LAMC1: variants seen among roughly 807,000 people sequenced by gnomAD.
The protein encoded by LAMC1 is laminin subunit gamma-1.
LAMC1 carries 38 observed loss-of-function variants against 173.6 expected under a neutral mutation model. The ratio of observed to expected loss-of-function variants is 0.22; its 90% CI spans 0.17 to 0.29. The LOEUF (loss-of-function observed/expected upper bound fraction) is 0.29. Ranked by LOEUF, LAMC1 falls within the 10% of genes least tolerant of loss-of-function variation. The pLI is 1.00. For synonymous variants in LAMC1, 746 were observed against 749.1 expected, an observed-to-expected ratio of 1.00 and a Z score of 0.07; for missense variants, 1,824 against 2,051.8, an observed-to-expected ratio of 0.89 and a Z score of 2.14.
intron 1 of LAMC1, among the ~76,000 whole-genome samples, chr1:183,044,853 T>G (rs10911209): frequency 0.5 from 75,983 of 151,470 alleles, 19,691 homozygotes; most frequent in South Asian, 0.64. Flanking sequence ...GGGTAGCAGA[T>G]TTTCTCACAC....
Position 183,132,508 on chromosome 1 carries a change from A to G in LAMC1, c.3675A>G (p.Thr1225=). The G allele has an allele frequency of 6.2e-7, 1 of 1,613,958 alleles. No individual in the cohort carries two copies. Among genetic ancestry groups the G allele is most frequent in the Non-Finnish European group, 8.5e-7 (1 of 1,179,844 alleles). ...GGACACTGGCAGGAGAAAATCAAAC[A>G]GCATTTGAGATTGAAGAGCTTAATA... is the stretch of plus-strand genomic sequence containing the variant. ...LLRTLAGENQ[T]AFEIEELNRK... The change falls in exon 21 of 28, where the codon ACA becomes ACG. Residue 1225 remains threonine, a synonymous_variant. Coordinates refer to ENST00000258341, the MANE Select transcript of LAMC1 (RefSeq NM_002293.4).
At chr1:183,141,321 G>A (rs1022971797) in intron 27 of LAMC1, 4 of 152,134 alleles carry the variant, frequency 2.6e-5, no homozygotes, top group Non-Finnish European at 5.9e-5. Context: ...TTTAAAAAAC[G>A]AAAAAGAACA....
chr1:183,045,430 T>C (rs1343894633), intron 1 of LAMC1, among the ~76,000 whole-genome samples: 1 of 152,104 alleles, frequency 6.6e-6, no homozygotes, highest in Non-Finnish European at 1.5e-5. Context: ...TTGTTTGTTT[T>C]TGAGCTTTGT....
At chr1:183,072,847 G>GC (rs1655042758) in intron 1 of LAMC1, among the ~76,000 whole-genome samples, 2 of 152,204 alleles carry the variant, frequency 1.3e-5, no homozygotes, top group Non-Finnish European at 2.9e-5. Context: ...TAGGTTGCGT[G>GC]CTCTTTATGA....
intron 8 of LAMC1, 144 bp downstream of exon 8, chr1:183,117,047 T>G (rs1164675052): frequency 1.1e-6 from 1 of 895,504 alleles, no homozygotes; most frequent in East Asian, 2.6e-5. Flanking sequence ...TTTTGTAGTT[T>G]GGCCTTTTAA....
chr1:183,064,804 A>G lies in LAMC1; in HGVS notation c.419-38524A>G, dbSNP rs1317057798. ...TTATTCAATGAATTTGTAGTTGACA[A>G]TAATTTGTATTCATTTTCTGACTTA... On this transcript the variant is annotated intron_variant, in intron 1 of 27. Transcript: ENST00000258341. Among the ~76,000 whole-genome samples the G allele has an allele frequency of 2.0e-5, 3 of 152,228 alleles. No homozygotes were observed. The South Asian group carries it at 6.2e-4, about 31-fold the overall frequency.
chr1:183,042,426 G>T (rs1230576548), intron 1 of LAMC1, among the ~76,000 whole-genome samples: 1 of 152,180 alleles, frequency 6.6e-6, no homozygotes. Context: ...CACAGTAGAG[G>T]CTGGAAAATG....
In LAMC1 at chr1:183,135,274, TA is replaced by T. The variant is rs779966718; in HGVS notation, c.4114+121del. On this transcript the variant is annotated intron_variant, in intron 24 of 27. Transcript: ENST00000258341. ...CCCCAACTCCCTACTTTTTTTATGC[TA>T]AAGTATTTCAAAGGGAAATCCCAGA... The T allele has an allele frequency of 8.4e-4, 551 of 659,368 alleles. 4 individuals are homozygous for T. The Middle Eastern group carries it at 0.014, about 17-fold the overall frequency. The allele number at this position is 659,368 out of a possible 1,614,324, so 40.8% of individuals were successfully genotyped here.
rs577751780 is a variant in LAMC1, at chr1:183,031,012, T to C, written c.418+6878T>C. Reference sequence around the variant, plus strand: ...TATCTCAAAAATTAAATAAATAAAATGTATATATTCACATGTACATTGTTG... The same window carrying C: ...TATCTCAAAAATTAAATAAATAAAACGTATATATTCACATGTACATTGTTG... On this transcript the variant is annotated intron_variant, in intron 1 of 27. Transcript: ENST00000258341. Among the ~76,000 whole-genome samples, 16 of 152,240 alleles carry C rather than the reference T, an allele frequency of 1.1e-4. No individual in the cohort carries two copies. The South Asian group carries it at 3.3e-3, about 32-fold the overall frequency.
intron 1 of LAMC1, among the ~76,000 whole-genome samples, chr1:183,095,384 A>T (rs1037593541): frequency 4.6e-5 from 7 of 152,234 alleles, no homozygotes; most frequent in Non-Finnish European, 5.9e-5. Context: ...AAGCCAAACT[A>T]TAGCCAGCTT....
chr1:183,125,052 A>C lies in LAMC1; in HGVS notation c.2647+176A>C, dbSNP rs1656582575. Reference sequence around the variant, plus strand: ...TAAAAAAGTATAAAGAAGGACAGTCATGGTGGCTGACACCTGTGGTCCTGT... The same window carrying C: ...TAAAAAAGTATAAAGAAGGACAGTCCTGGTGGCTGACACCTGTGGTCCTGT... On this transcript the variant is annotated intron_variant, in intron 14 of 27. Transcript: ENST00000258341. 3 of 766,218 alleles carry C rather than the reference A, an allele frequency of 3.9e-6. No individual in the cohort carries two copies. The South Asian group carries it at 5.8e-5, about 15-fold the overall frequency. The allele number at this position is 766,218 out of a possible 1,614,324, so 47.5% of individuals were successfully genotyped here. A position where few individuals can be genotyped will look rare whatever the true frequency, so the allele number is the denominator to read the frequency against.
Position 183,116,676 on chromosome 1 carries a change from G to C in LAMC1, c.1427+1G>C. 1 of 1,610,982 alleles carries C rather than the reference G, an allele frequency of 6.2e-7. No individual in the cohort carries two copies. Among genetic ancestry groups the C allele is most frequent in the Admixed American group, 1.7e-5 (1 of 60,002 alleles). Reference sequence around the variant, plus strand: ...ATGTCGAAGGCTTCAATTGTGAAAGGTAGTGCATTCTTTCTCTAGCTGCAT... The same window carrying C: ...ATGTCGAAGGCTTCAATTGTGAAAGCTAGTGCATTCTTTCTCTAGCTGCAT... On this transcript the variant is annotated splice_donor_variant, in intron 7 of 27. Coordinates refer to ENST00000258341, the MANE Select transcript of LAMC1 (RefSeq NM_002293.4). LOFTEE classifies it high-confidence loss of function.
chr1:183,070,076 T>C (rs985805527), intron 1 of LAMC1, among the ~76,000 whole-genome samples: 2 of 152,188 alleles, frequency 1.3e-5, no homozygotes, highest in Non-Finnish European at 2.9e-5. Context: ...ATGGGCTAGA[T>C]TGTGGCATGT....
At chr1:183,103,269 G>A in intron 1 of LAMC1, 59 bp from the exon 2 acceptor site, 4 of 1,475,202 alleles carry the variant, frequency 2.7e-6, no homozygotes, top group African/African-American at 1.4e-5. Flanking sequence ...GCTGGGAATA[G>A]AGGGCATTTG....
chr1:183,066,920 A>G (rs10752892), intron 1 of LAMC1, among the ~76,000 whole-genome samples: 76,284 of 151,992 alleles, frequency 0.5, 19,786 homozygotes, highest in South Asian at 0.64. Flanking sequence ...CCTATGTAAC[A>G]AACCTGCACA....
At chr1:183,107,088 A>C (rs1655996919) in intron 2 of LAMC1, among the ~76,000 whole-genome samples, 1 of 152,212 alleles carries the variant, frequency 6.6e-6, no homozygotes, top group Admixed American at 6.5e-5. Context: ...AAACCTAGGG[A>C]AAAACTCTAC....
intron 2 of LAMC1, among the ~76,000 whole-genome samples, chr1:183,104,186 T>TGATGTTAGTAACAGGATATG (rs1655907778): frequency 6.6e-6 from 1 of 152,240 alleles, no homozygotes; most frequent in Non-Finnish European, 1.5e-5. Flanking sequence ...CTAAAATGGA[T>TGATGTTAGTAACAGGATATG]GATGTTAGTA....
chr1:183,086,982 A>G (rs1013533539), intron 1 of LAMC1, among the ~76,000 whole-genome samples: 1 of 152,238 alleles, frequency 6.6e-6, no homozygotes, highest in African/African-American at 2.4e-5. Context: ...AGATGTATAC[A>G]TTAAAGTTCA....
chr1:183,085,349 TTTTGTTTGTTTTCTTG>T (rs1655399137), intron 1 of LAMC1, among the ~76,000 whole-genome samples: 1 of 152,078 alleles, frequency 6.6e-6, no homozygotes, highest in Non-Finnish European at 1.5e-5. Context: ...TGTCCCCATT[TTTTGTTTGTTTTCTTG>T]TTTGTTTTGT....
Sources: allele counts gnomAD v4.1 joint callset (sites outside exome capture counted in the v4.1 genomes callset), GRCh38; gene constraint gnomAD v4.1.1; transcripts MANE v1.5; gene names NCBI Gene and HGNC (gene_info 2026-07-23, HGNC 2026-07-21).